Variants in GRIN2B observed in about 807,000 individuals in gnomAD.
GRIN2B encodes glutamate receptor ionotropic, NMDA 2B.
In GRIN2B, 5 loss-of-function variants were observed where a neutral mutation model predicts 114.5. The observed-to-expected ratio is 0.04, with a 90% CI of 0.02 to 0.09. The LOEUF (loss-of-function observed/expected upper bound fraction) is 0.09, where lower values mean the gene tolerates loss of function less well. GRIN2B is among the 10% of genes least tolerant of loss of function. GRIN2B has a pLI of 1.00. For synonymous variants in GRIN2B, 787 were observed against 745.1 expected (o/e 1.06, Z -0.92); for missense variants, 1,108 against 1,943.5 (o/e 0.57, Z 8.08).
intron 10 of GRIN2B, among the ~76,000 whole-genome samples, chr12:13,589,960 T>C (rs1037847414): frequency 6.6e-6 from 1 of 152,128 alleles, no homozygotes; most frequent in African/African-American, 2.4e-5. Flanking sequence ...TATGATAGAC[T>C]ATCAACTATG....
intron 3 of GRIN2B, among the ~76,000 whole-genome samples, chr12:13,758,998 ATTTTTTTT>A (rs5796560): frequency 8.2e-5 from 7 of 85,624 alleles, no homozygotes; most frequent in African/African-American, 2.5e-4. Context: ...ATCTAGTTCA[ATTTTTTTT>A]TTTTTTTTTT....
intron 3 of GRIN2B, among the ~76,000 whole-genome samples, chr12:13,830,534 C>G (rs758308741): frequency 6.6e-6 from 1 of 152,158 alleles, no homozygotes; most frequent in African/African-American, 2.4e-5. Flanking sequence ...CAAGCATTAG[C>G]TTTTCTTTCA....
At chr12:13,783,583 C>A in intron 3 of GRIN2B, among the ~76,000 whole-genome samples, 1 of 152,062 alleles carries the variant, frequency 6.6e-6, no homozygotes. Flanking sequence ...ACGCGATGAT[C>A]TTGGCATAAG....
chr12:13,568,998 T>G (rs1048143242), intron 12 of GRIN2B, among the ~76,000 whole-genome samples: 10 of 152,098 alleles, frequency 6.6e-5, no homozygotes, highest in Non-Finnish European at 1.2e-4. Context: ...GGCCGCAAGT[T>G]TATTTCTCCG....
chr12:13,797,609 G>A (rs1437945595), intron 3 of GRIN2B, among the ~76,000 whole-genome samples: 2 of 152,154 alleles, frequency 1.3e-5, no homozygotes, highest in African/African-American at 2.4e-5. Flanking sequence ...ACTACATACT[G>A]TTTTGACTAA....
chr12:13,580,200 C>T (rs183661160), intron 10 of GRIN2B, among the ~76,000 whole-genome samples: 38 of 152,254 alleles, frequency 2.5e-4, no homozygotes, highest in African/African-American at 7.2e-4. Context: ...GAGTCAGATC[C>T]GGTGAATAAC....
chr12:13,588,268 T>C (rs1283476711), intron 10 of GRIN2B, among the ~76,000 whole-genome samples: 1 of 152,118 alleles, frequency 6.6e-6, no homozygotes, highest in Non-Finnish European at 1.5e-5. Context: ...TGCTGTAAAA[T>C]AAAACGTTTC....
At chr12:13,885,256 T>C (rs901977183) in intron 2 of GRIN2B, among the ~76,000 whole-genome samples, 1 of 152,066 alleles carries the variant, frequency 6.6e-6, no homozygotes, top group East Asian at 1.9e-4. Context: ...CAGTAGTACA[T>C]AAAAATGCAG....
rs915823049 is a variant in GRIN2B, at chr12:13,573,308, G to A, written c.2011-1344C>T. Among the ~76,000 whole-genome samples the A allele has an allele frequency of 7.4e-5, 11 of 148,902 alleles. 1 individual carries two copies. The highest frequency in any genetic ancestry group is 5.8e-4 in the East Asian group (3 of 5,160). Reference sequence around the variant, plus strand: ...CTACTAAAAATACAAAAAACTAGCCGAGCGTGGTGGCAGGCACCTGTAGTC... The same window carrying A: ...CTACTAAAAATACAAAAAACTAGCCAAGCGTGGTGGCAGGCACCTGTAGTC... On this transcript the variant is annotated intron_variant, in intron 10 of 13. Coordinates refer to ENST00000609686, the MANE Select transcript of GRIN2B (RefSeq NM_000834.5).
At chr12:13,850,007 A>T (rs1212983974) in intron 3 of GRIN2B, among the ~76,000 whole-genome samples, 1 of 152,184 alleles carries the variant, frequency 6.6e-6, no homozygotes, top group African/African-American at 2.4e-5. Context: ...TGGGAAAATA[A>T]TAGGGACAAT....
chr12:13,911,157 T>C (rs1361908519), intron 2 of GRIN2B, among the ~76,000 whole-genome samples: 2 of 152,084 alleles, frequency 1.3e-5, no homozygotes, highest in East Asian at 3.9e-4. Flanking sequence ...AAAAAGACTG[T>C]ACCTAATTCA....
At chr12:13,672,801 A>G (rs1012127584) in intron 5 of GRIN2B, among the ~76,000 whole-genome samples, 1 of 152,006 alleles carries the variant, frequency 6.6e-6, no homozygotes, top group Non-Finnish European at 1.5e-5. Context: ...TTCCTTTAGT[A>G]CATGTAAAGT....
intron 10 of GRIN2B, among the ~76,000 whole-genome samples, chr12:13,607,165 TA>T: frequency 8.6e-6 from 1 of 115,988 alleles, no homozygotes; most frequent in East Asian, 2.3e-4. Context: ...TATATATATA[TA>T]AAAAATATAT....
Position 13,563,629 on chromosome 12 carries a change from G to T in GRIN2B, c.3609C>A (p.Asn1203Lys), listed in dbSNP as rs772315429. 6.2e-6 allele frequency: 10 copies of T among 1,613,758 alleles called. No individual in the cohort carries two copies. The highest frequency in any genetic ancestry group is 1.7e-5 in the Admixed American group (1 of 59,998). The change falls in exon 14 of 14, where the codon AAC becomes AAA. Residue 1203 changes from asparagine to lysine, a missense_variant. Around this residue, in one of 19 missense-constraint regions of GRIN2B, gnomAD observed 478 missense variants for 506.0 expected, o/e 0.94. Coordinates refer to ENST00000609686, the MANE Select transcript of GRIN2B (RefSeq NM_000834.5). ...CCCCGGACCGGTCCTCCCACTCCAC[G>T]TTGGTCAGGTTCTTCTCCCAAGGTG... ...VPAPWEKNLT[N>K]VEWEDRSGGN...
At chr12:13,963,225 A>G (rs144299529) in intron 2 of GRIN2B, among the ~76,000 whole-genome samples, 72 of 152,206 alleles carry the variant, frequency 4.7e-4, no homozygotes, top group Non-Finnish European at 8.5e-4. Context: ...GTCTCTCTGG[A>G]TCGCCCCCTT....
At chr12:13,890,485 C>G (rs567409862) in intron 2 of GRIN2B, among the ~76,000 whole-genome samples, 1 of 152,158 alleles carries the variant, frequency 6.6e-6, no homozygotes, top group Admixed American at 6.5e-5. Context: ...CTACCCCATG[C>G]GCCCAGTGGC....
intron 10 of GRIN2B, among the ~76,000 whole-genome samples, chr12:13,607,293 T>TA (rs67320809): frequency 0.75 from 43,440 of 57,964 alleles, 15,078 homozygotes; most frequent in East Asian, 0.84. Flanking sequence ...ATATATTATA[T>TA]AAAAATATAT....
rs145481257 is a variant in GRIN2B, at chr12:13,943,032, G to A, written c.-19+36896C>T. Among the ~76,000 whole-genome samples the A allele has an allele frequency of 4.3e-4, 66 of 152,224 alleles. 1 individual carries two copies. The highest frequency in any genetic ancestry group is 6.8e-3 in the Middle Eastern group (2 of 294). On this transcript the variant is annotated intron_variant, in intron 2 of 13. Coordinates refer to ENST00000609686, the MANE Select transcript of GRIN2B (RefSeq NM_000834.5). ...TCTTTAGCAGCAGGTGGTATGGGGT[G>A]GGGGTGGAGCAAGGGATGCCACAGG...
At chr12:13,640,916 G>A (rs1413320007) in intron 5 of GRIN2B, among the ~76,000 whole-genome samples, 1 of 152,042 alleles carries the variant, frequency 6.6e-6, no homozygotes, top group Non-Finnish European at 1.5e-5. Flanking sequence ...ACCATTAGTT[G>A]TTACACCAGG....
Sources: allele counts gnomAD v4.1 joint callset (sites outside exome capture counted in the v4.1 genomes callset), GRCh38; gene constraint gnomAD v4.1.1; regional missense constraint gnomAD v4.1.1; transcripts MANE v1.5; gene names NCBI Gene and HGNC (gene_info 2026-07-23, HGNC 2026-07-21).